Variants in RGS6 observed in about 807,000 individuals in gnomAD.
RGS6 encodes regulator of G protein signaling 6, also known as regulator of G-protein signaling 6.
RGS6 carries 30 observed loss-of-function variants against 78.5 expected under a neutral mutation model. That is an observed-to-expected ratio of 0.38 (90% CI 0.29 to 0.52). The LOEUF is 0.52. Ranked by LOEUF, RGS6 falls within the 20% of genes least tolerant of loss-of-function variation. The pLI, the probability that RGS6 is intolerant of heterozygous loss-of-function variation, is 0.85. For missense variants in RGS6, 495 were observed against 609.7 expected, an observed-to-expected ratio of 0.81 and a Z score of 1.98; for synonymous variants, 206 against 206.0, an observed-to-expected ratio of 1.00 and a Z score of 0.00.
chr14:71,911,931 T>C, the RGS6 span, among the ~76,000 whole-genome samples: 1 of 152,194 alleles, frequency 6.6e-6, no homozygotes, highest in Admixed American at 6.5e-5. Flanking sequence ...CATGCATGTG[T>C]AGAAGGCAAC....
the RGS6 span, among the ~76,000 whole-genome samples, chr14:71,882,709 C>T: frequency 2.3e-4 from 35 of 152,146 alleles, no homozygotes; most frequent in South Asian, 7.1e-3. Flanking sequence ...GAAAGCTAAT[C>T]CAAGGTTATA....
At chr14:72,398,960 C>T (rs1047843336) in intron 3 of RGS6, among the ~76,000 whole-genome samples, 2 of 151,828 alleles carry the variant, frequency 1.3e-5, no homozygotes, top group African/African-American at 4.8e-5. Context: ...CTGAGGAGTG[C>T]TTTACTTCCA....
intron 13 of RGS6, among the ~76,000 whole-genome samples, chr14:72,508,335 T>C (rs535353606): frequency 2.6e-5 from 4 of 152,320 alleles, no homozygotes; most frequent in African/African-American, 9.6e-5. Flanking sequence ...ACTAGCCACA[T>C]GTAGCTATTT....
the RGS6 span, among the ~76,000 whole-genome samples, chr14:72,625,550 G>A: frequency 6.6e-6 from 1 of 152,138 alleles, no homozygotes; most frequent in Admixed American, 6.5e-5. Flanking sequence ...CTTTTTATGA[G>A]AGAATGGTGT....
At chr14:72,160,669 A>G (rs1167247173) in intron 2 of RGS6, among the ~76,000 whole-genome samples, 1 of 152,230 alleles carries the variant, frequency 6.6e-6, no homozygotes. Flanking sequence ...ACAAGAAGAA[A>G]ACATTTGGCC....
intron 17 of RGS6, chr14:72,540,367 G>A: frequency 2.1e-6 from 3 of 1,456,688 alleles, no homozygotes; most frequent in Non-Finnish European, 2.7e-6. Flanking sequence ...TCTGTTCAGG[G>A]CTTTGAGGAG....
chr14:72,491,857 C>G (rs569176889), intron 12 of RGS6, among the ~76,000 whole-genome samples: 1 of 152,312 alleles, frequency 6.6e-6, no homozygotes, highest in South Asian at 2.1e-4. Context: ...ATGGGGCTAA[C>G]AGCAGAGGAA....
At chr14:72,207,269 G>A (rs1218649524) in intron 2 of RGS6, among the ~76,000 whole-genome samples, 1 of 152,090 alleles carries the variant, frequency 6.6e-6, no homozygotes, top group East Asian at 1.9e-4. Context: ...TGGGATAAAT[G>A]TGATTATTCC....
chr14:72,128,902 C>G (rs911262980), intron 2 of RGS6, among the ~76,000 whole-genome samples: 1 of 152,160 alleles, frequency 6.6e-6, no homozygotes, highest in Admixed American at 6.5e-5. Context: ...GCCGTCAGTA[C>G]TGGTCATTTT....
intron 2 of RGS6, among the ~76,000 whole-genome samples, chr14:72,169,838 C>T (rs2153680432): frequency 6.6e-6 from 1 of 152,302 alleles, no homozygotes; most frequent in South Asian, 2.1e-4. Context: ...CACCTGAGAA[C>T]TCTTTAGGAA....
intron 3 of RGS6, among the ~76,000 whole-genome samples, chr14:72,402,511 A>G (rs1178130212): frequency 6.6e-6 from 1 of 152,138 alleles, no homozygotes; most frequent in African/African-American, 2.4e-5. Flanking sequence ...AAAATGTTCA[A>G]CATCACCATC....
the RGS6 span, among the ~76,000 whole-genome samples, chr14:72,591,728 T>C: frequency 6.6e-6 from 1 of 152,222 alleles, no homozygotes; most frequent in Non-Finnish European, 1.5e-5. Flanking sequence ...CTCACCTTGT[T>C]GTGTGGCAGA....
chr14:72,271,668 T>C (rs1167376619), intron 2 of RGS6, among the ~76,000 whole-genome samples: 1 of 152,236 alleles, frequency 6.6e-6, no homozygotes, highest in Admixed American at 6.5e-5. Context: ...ACAGTTGCTG[T>C]AACAAATTAC....
At chr14:72,592,110 G>A in the RGS6 span, among the ~76,000 whole-genome samples, 1 of 152,216 alleles carries the variant, frequency 6.6e-6, no homozygotes, top group African/African-American at 2.4e-5. Flanking sequence ...CTTCATCAGT[G>A]ATTCCATGGG....
intron 2 of RGS6, among the ~76,000 whole-genome samples, chr14:72,194,173 G>T (rs1253351961): frequency 6.6e-6 from 1 of 152,010 alleles, no homozygotes; most frequent in African/African-American, 2.4e-5. Flanking sequence ...TTTGAAGGCG[G>T]AGTTCATTCA....
chr14:71,882,668 G>A, the RGS6 span, among the ~76,000 whole-genome samples: 2 of 152,260 alleles, frequency 1.3e-5, no homozygotes, highest in East Asian at 3.9e-4. Context: ...TTGCCCAATA[G>A]CAATGAAAAT....
At chr14:72,068,168 G>A (rs1746368493) in intron 2 of RGS6, among the ~76,000 whole-genome samples, 1 of 147,506 alleles carries the variant, frequency 6.8e-6, no homozygotes, top group African/African-American at 2.5e-5. Context: ...AGATCTGACG[G>A]TATCACCCAG....
At chr14:72,394,657 T>G (rs2152961854) in intron 3 of RGS6, among the ~76,000 whole-genome samples, 1 of 152,368 alleles carries the variant, frequency 6.6e-6, no homozygotes, top group South Asian at 2.1e-4. Context: ...CCCTTGTTCC[T>G]TGAACATTGC....
At chr14:72,211,939 A>C (rs541704152) in intron 2 of RGS6, among the ~76,000 whole-genome samples, 38 of 152,342 alleles carry the variant, frequency 2.5e-4, no homozygotes, top group African/African-American at 9.1e-4. Context: ...TAAATTGATT[A>C]CAAGTTAATC....
Sources: gnomAD v4.1 joint callset for allele counts (sites outside exome capture counted in the v4.1 genomes callset) on GRCh38, gnomAD v4.1.1 for gene constraint, MANE v1.5 for transcripts, NCBI Gene and HGNC (gene_info 2026-07-23, HGNC 2026-07-21) for gene names.